The following NKAIN3 variants were observed in gnomAD, a reference collection of about 807,000 sequenced individuals.
NKAIN3 encodes the protein sodium/potassium transporting ATPase interacting 3.
NKAIN3 carries 25 observed loss-of-function variants against 30.2 expected under a neutral mutation model. That is an observed-to-expected ratio of 0.83 (90% CI 0.60 to 1.16). The LOEUF is 1.16. Among genes scored for constraint, NKAIN3 ranks in the 50% most tolerant of loss-of-function variants. The pLI is 0.00. For synonymous variants in NKAIN3, 91 were observed against 89.6 expected, an observed-to-expected ratio of 1.02 and a Z score of -0.09; for missense variants, 225 against 254.1, an observed-to-expected ratio of 0.89 and a Z score of 0.78.
intron 4 of NKAIN3, among the ~76,000 whole-genome samples, chr8:62,813,975 A>T (rs192432220): frequency 1.6e-4 from 24 of 152,182 alleles, no homozygotes; most frequent in African/African-American, 5.3e-4. Context: ...CATTCTGTCC[A>T]GGTCTGTAAG....
chr8:62,763,221 C>CAAAAA lies in NKAIN3; in HGVS notation c.471+16128_471+16132dup, dbSNP rs55873861. 1.5e-3 allele frequency among the ~76,000 whole-genome samples: 70 copies of CAAAAA among 47,188 alleles called. 7 individuals are homozygous for CAAAAA. The highest frequency in any genetic ancestry group is 2.7e-3 in the East Asian group (4 of 1,498). The allele number at this position is 47,188 out of a possible 152,430, so 31.0% of individuals were successfully genotyped here. ...GGGCAACAAGTGCGAGACTCCGTCT[C>CAAAAA]AAAAAAAAAAAAAAAAAAAAAAAAA... is the stretch of plus-strand genomic sequence containing the variant. On this transcript the variant is annotated intron_variant, in intron 4 of 6. Transcript: ENST00000623646.
intron 4 of NKAIN3, among the ~76,000 whole-genome samples, chr8:62,915,388 C>A: frequency 6.6e-6 from 1 of 152,140 alleles, no homozygotes; most frequent in Non-Finnish European, 1.5e-5. Flanking sequence ...AGGGAGATGG[C>A]AGCCTGAGAC....
chr8:62,692,972 A>G (rs1362531168), intron 3 of NKAIN3, among the ~76,000 whole-genome samples: 2 of 152,174 alleles, frequency 1.3e-5, no homozygotes, highest in Non-Finnish European at 2.9e-5. Flanking sequence ...TCTCCTGTGT[A>G]TTCTCCTAGT....
chr8:62,454,579 T>G (rs1352167201), intron 1 of NKAIN3, among the ~76,000 whole-genome samples: 1 of 152,136 alleles, frequency 6.6e-6, no homozygotes, highest in African/African-American at 2.4e-5. Context: ...GAAGACTTTC[T>G]GCAACTTAAT....
intron 3 of NKAIN3, among the ~76,000 whole-genome samples, chr8:62,656,710 C>T (rs994467135): frequency 1.3e-5 from 2 of 152,174 alleles, no homozygotes; most frequent in African/African-American, 4.8e-5. Context: ...TGTCTAGTCA[C>T]AACCACTCCC....
chr8:62,457,204 G>A (rs1563407465), intron 1 of NKAIN3, among the ~76,000 whole-genome samples: 1 of 152,144 alleles, frequency 6.6e-6, no homozygotes. Flanking sequence ...GGATATAAAC[G>A]TCATCTTCAA....
intron 1 of NKAIN3, chr8:62,483,036 C>A (rs889504023): frequency 1.3e-5 from 2 of 152,202 alleles, no homozygotes; most frequent in Non-Finnish European, 2.9e-5. Context: ...CCAGAGCCGT[C>A]TCTTCTCCTT....
intron 1 of NKAIN3, among the ~76,000 whole-genome samples, chr8:62,555,992 A>T (rs1455006671): frequency 6.6e-6 from 1 of 152,062 alleles, no homozygotes; most frequent in African/African-American, 2.4e-5. Flanking sequence ...CAAGTGAAAA[A>T]AAATGGAAAT....
At chr8:62,569,833 C>G (rs1809877375) in intron 1 of NKAIN3, among the ~76,000 whole-genome samples, 1 of 150,896 alleles carries the variant, frequency 6.6e-6, no homozygotes, top group Admixed American at 6.6e-5. Flanking sequence ...CTAGGAAATA[C>G]CAATTTAGCT....
At chr8:62,775,910 T>C (rs1278777254) in intron 4 of NKAIN3, among the ~76,000 whole-genome samples, 1 of 152,098 alleles carries the variant, frequency 6.6e-6, no homozygotes, top group Non-Finnish European at 1.5e-5. Context: ...CCAGCTATTA[T>C]TGTTTTGGAT....
At chr8:62,361,010 TAAAAAAAAAA>T (rs3085311) in intron 1 of NKAIN3, among the ~76,000 whole-genome samples, 2 of 146,016 alleles carry the variant, frequency 1.4e-5, no homozygotes, top group Non-Finnish European at 1.5e-5. Context: ...ATTCCCCAGC[TAAAAAAAAAA>T]AAAAAAAAAA....
At chr8:62,639,546 G>A (rs1007347901) in intron 3 of NKAIN3, among the ~76,000 whole-genome samples, 1 of 152,110 alleles carries the variant, frequency 6.6e-6, no homozygotes, top group African/African-American at 2.4e-5. Context: ...TTTACACGGA[G>A]TTTTTGGTTT....
chr8:62,252,605 C>T (rs1368961536), intron 1 of NKAIN3, among the ~76,000 whole-genome samples: 1 of 98,196 alleles, frequency 1.0e-5, no homozygotes, highest in African/African-American at 3.3e-5. Context: ...TTGTGATCCT[C>T]CTGATTTTCC....
chr8:62,446,043 A>G (rs1805477029), intron 1 of NKAIN3, among the ~76,000 whole-genome samples: 1 of 152,204 alleles, frequency 6.6e-6, no homozygotes, highest in South Asian at 2.1e-4. Context: ...AACTTGTTAT[A>G]GACACTAACG....
At chr8:62,839,902 C>T (rs777281550) in intron 4 of NKAIN3, among the ~76,000 whole-genome samples, 2 of 152,092 alleles carry the variant, frequency 1.3e-5, no homozygotes, top group African/African-American at 2.4e-5. Flanking sequence ...CATGAACCAC[C>T]ACACCCAGCC....
In NKAIN3 at chr8:62,850,299, G is replaced by T. The variant is rs538669981; in HGVS notation, c.472-68154G>T. 2.8e-4 allele frequency among the ~76,000 whole-genome samples: 43 copies of T among 152,146 alleles called. 1 individual carries two copies. The South Asian group carries it at 8.9e-3, about 32-fold the overall frequency. On this transcript the variant is annotated intron_variant, in intron 4 of 6. Coordinates refer to ENST00000623646, the MANE Select transcript of NKAIN3 (RefSeq NM_001304533.3). ...GGTCCTTCACCCACTTTTTGATGGG[G>T]TTGTTTGTTTTTTTCTTGTAAATTT...
At chr8:62,919,001 A>T (rs1822191027) in intron 5 of NKAIN3, among the ~76,000 whole-genome samples, 1 of 151,626 alleles carries the variant, frequency 6.6e-6, no homozygotes, top group African/African-American at 2.4e-5. Context: ...AAAAAAAAAA[A>T]ATTTACGAGG....
intron 1 of NKAIN3, among the ~76,000 whole-genome samples, chr8:62,465,596 C>T (rs1390206972): frequency 6.6e-6 from 1 of 152,196 alleles, no homozygotes; most frequent in Non-Finnish European, 1.5e-5. Flanking sequence ...TCCAATGTCT[C>T]CTTCATTCAG....
In NKAIN3 at chr8:62,309,843, A is replaced by G. The variant is rs545092751; in HGVS notation, c.54+60716A>G. ...TTTGACATACCAGTATATCTCCAAA[A>G]GTTCTAGGCAAATGTGTAAGCAACA... On this transcript the variant is annotated intron_variant, in intron 1 of 6. Transcript: ENST00000623646. Among the ~76,000 whole-genome samples the G allele has an allele frequency of 6.9e-4, 104 of 150,666 alleles. 1 individual carries two copies. In the South Asian group the frequency reaches 0.021, roughly 31 times the overall value.
Sources: allele counts gnomAD v4.1 joint callset (sites outside exome capture counted in the v4.1 genomes callset), GRCh38; gene constraint gnomAD v4.1.1; transcripts MANE v1.5; gene names NCBI Gene and HGNC (gene_info 2026-07-23, HGNC 2026-07-21).